Variants in HCRTR2 observed in about 807,000 individuals in gnomAD.
The protein encoded by HCRTR2 is hypocretin receptor 2, also known as orexin receptor type 2.
HCRTR2 carries 22 observed loss-of-function variants against 49.0 expected under a neutral mutation model. The ratio of observed to expected loss-of-function variants is 0.45; its 90% CI spans 0.32 to 0.64. The LOEUF (loss-of-function observed/expected upper bound fraction) is 0.64. HCRTR2 is among the 30% of genes least tolerant of loss of function. The probability of loss-of-function intolerance (pLI) is 0.04; values close to 1 mark genes in which losing one functional copy is unlikely to be tolerated. For synonymous variants in HCRTR2, 236 were observed against 205.3 expected (o/e 1.15, Z -1.28); for missense variants, 491 against 559.4 (o/e 0.88, Z 1.23).
intron 1 of HCRTR2, among the ~76,000 whole-genome samples, chr6:55,163,401 C>T (rs1764834249): frequency 6.6e-6 from 1 of 152,108 alleles, no homozygotes; most frequent in African/African-American, 2.4e-5. Flanking sequence ...GTAACCAAAA[C>T]AGCATGGTAT....
chr6:55,271,825 T>G (rs183945608), intron 4 of HCRTR2, among the ~76,000 whole-genome samples: 2 of 152,222 alleles, frequency 1.3e-5, no homozygotes, highest in East Asian at 3.9e-4. Context: ...GAGAAACCTA[T>G]TCACACTCAA....
intron 1 of HCRTR2, among the ~76,000 whole-genome samples, chr6:55,237,168 TTATAA>T (rs1223680183): frequency 2.0e-5 from 3 of 152,252 alleles, no homozygotes; most frequent in Admixed American, 6.5e-5. Context: ...TTTATATTCT[TTATAA>T]TATATCTACT....
chr6:55,280,265 G>T (rs1767163117), intron 5 of HCRTR2, 58 bp from the exon 6 acceptor site: 1 of 1,162,530 alleles, frequency 8.6e-7, no homozygotes, highest in African/African-American at 1.5e-5. Context: ...CAATAGCCTT[G>T]TTCACCTTTG....
chr6:55,248,850 A>G (rs1007374267), intron 2 of HCRTR2, 33 bp downstream of exon 2: 2 of 1,580,462 alleles, frequency 1.3e-6, no homozygotes, highest in Non-Finnish European at 1.7e-6. Flanking sequence ...TGAAGCTACT[A>G]AAAAGAATGT....
At chr6:55,124,453 A>G (rs1764246001) in intron 1 of HCRTR2, among the ~76,000 whole-genome samples, 1 of 152,094 alleles carries the variant, frequency 6.6e-6, no homozygotes, top group South Asian at 2.1e-4. Context: ...CCTGAGTTCT[A>G]ATTTGATTGC....
At chr6:55,216,157 G>A (rs983713977) in intron 1 of HCRTR2, among the ~76,000 whole-genome samples, 2 of 152,144 alleles carry the variant, frequency 1.3e-5, no homozygotes, top group African/African-American at 4.8e-5. Flanking sequence ...TCCATGTGGG[G>A]AAAGCCCTCA....
At chr6:55,110,814 T>C (rs943953144) in intron 1 of HCRTR2, among the ~76,000 whole-genome samples, 1 of 150,816 alleles carries the variant, frequency 6.6e-6, no homozygotes, top group East Asian at 2.0e-4. Context: ...ACTAGACAGG[T>C]CATAAAGATG....
chr6:55,194,945 AAAAC>A (rs1189900446), intron 1 of HCRTR2, among the ~76,000 whole-genome samples: 1 of 152,194 alleles, frequency 6.6e-6, no homozygotes, highest in Admixed American at 6.5e-5. Context: ...ATTAGATTAA[AAAAC>A]AAACATGGAG....
chr6:55,233,453 T>C (rs1766155584), intron 1 of HCRTR2, among the ~76,000 whole-genome samples: 1 of 152,084 alleles, frequency 6.6e-6, no homozygotes, highest in East Asian at 1.9e-4. Flanking sequence ...ACGTCAAAAA[T>C]TCTGAGGCAA....
At chr6:55,200,694 T>C (rs1765497903) in intron 1 of HCRTR2, among the ~76,000 whole-genome samples, 1 of 152,208 alleles carries the variant, frequency 6.6e-6, no homozygotes, top group East Asian at 1.9e-4. Flanking sequence ...TGATATTTGG[T>C]ATTCATGACA....
chr6:55,163,809 G>A (rs146340125), intron 1 of HCRTR2, among the ~76,000 whole-genome samples: 3,493 of 152,200 alleles, frequency 0.023, 49 homozygotes, highest in African/African-American at 0.045. Flanking sequence ...CTTCTGCACA[G>A]CAAAAGAAAC....
At chr6:55,161,572 A>T (rs967369266) in intron 1 of HCRTR2, among the ~76,000 whole-genome samples, 2 of 152,150 alleles carry the variant, frequency 1.3e-5, no homozygotes, top group African/African-American at 4.8e-5. Flanking sequence ...TTAACAAAAT[A>T]GATAGATCAC....
rs186550055 is a variant in HCRTR2, at chr6:55,235,798, G to T, written c.224-12841G>T. 1.8e-3 allele frequency among the ~76,000 whole-genome samples: 277 copies of T among 152,002 alleles called. 1 individual carries two copies. Among genetic ancestry groups the T allele is most frequent in the Non-Finnish European group, 3.0e-3 (207 of 67,870 alleles). The stretch of plus-strand genomic sequence containing the variant: ...AAGAGTCCTTATATACGTAGGTGTG[G>T]ATCTCAACTATTTTTGTTTGTTTTG... On this transcript the variant is annotated intron_variant, in intron 1 of 6. Transcript: ENST00000370862.
chr6:55,120,152 C>T (rs1764175988), intron 1 of HCRTR2, among the ~76,000 whole-genome samples: 1 of 152,128 alleles, frequency 6.6e-6, no homozygotes, highest in Non-Finnish European at 1.5e-5. Flanking sequence ...GTACCAGTAC[C>T]ATGCTGTTTT....
chr6:55,174,573 G>A lies in HCRTR2; in HGVS notation c.-15G>A, dbSNP rs202219529. The A allele has an allele frequency of 9.3e-6, 15 of 1,607,930 alleles. No individual in the cohort carries two copies. The highest frequency in any genetic ancestry group is 4.4e-5 in the South Asian group (4 of 90,960). ...GGAGCTTGCAGCATTGAGCGGAACC[G>A]GACTTGAGCCCGTGATGTCCGGCAC... On this transcript the variant is annotated 5_prime_UTR_variant, in exon 1 of 7. Transcript: ENST00000370862.
chr6:55,147,599 G>C (rs964022602), intron 1 of HCRTR2, among the ~76,000 whole-genome samples: 4 of 152,060 alleles, frequency 2.6e-5, no homozygotes, highest in African/African-American at 9.7e-5. Flanking sequence ...TTAACTCAAG[G>C]GTCTCTCAGG....
chr6:55,118,003 T>C (rs1327950749), intron 1 of HCRTR2, among the ~76,000 whole-genome samples: 1 of 151,756 alleles, frequency 6.6e-6, no homozygotes, highest in Non-Finnish European at 1.5e-5. Flanking sequence ...ATTACCCATG[T>C]ATTAAGCCTA....
intron 1 of HCRTR2, among the ~76,000 whole-genome samples, chr6:55,123,725 G>A (rs377731112): frequency 3.9e-5 from 6 of 152,076 alleles, no homozygotes; most frequent in Non-Finnish European, 8.8e-5. Context: ...TTCTACCTCT[G>A]GTAGAATTCG....
At chr6:55,169,326 C>T (rs1421135897) in intron 1 of HCRTR2, among the ~76,000 whole-genome samples, 2 of 151,522 alleles carry the variant, frequency 1.3e-5, no homozygotes, top group Admixed American at 6.6e-5. Context: ...TGAGAAGAGA[C>T]ATAATTAAAA....
Sources: allele counts gnomAD v4.1 joint callset (sites outside exome capture counted in the v4.1 genomes callset), GRCh38; gene constraint gnomAD v4.1.1; transcripts MANE v1.5; gene names NCBI Gene and HGNC (gene_info 2026-07-23, HGNC 2026-07-21).